The following RIT2 variants were observed in gnomAD, a reference collection of about 807,000 sequenced individuals.
The protein encoded by RIT2 is GTP-binding protein Rit2.
RIT2 carries 24 observed loss-of-function variants against 23.7 expected under a neutral mutation model. That is an observed-to-expected ratio of 1.01 (90% CI 0.73 to 1.43). The LOEUF is 1.43. Among genes scored for constraint, RIT2 ranks in the 40% most tolerant of loss-of-function variants. The probability of loss-of-function intolerance (pLI) is 0.00; values close to 1 mark genes in which losing one functional copy is unlikely to be tolerated. For missense variants in RIT2, 236 were observed against 266.9 expected (o/e 0.88, Z 0.81); for synonymous variants, 107 against 91.1 (o/e 1.17, Z -0.99).
At chr18:42,815,993 C>T (rs1464064643) in intron 4 of RIT2, among the ~76,000 whole-genome samples, 1 of 152,072 alleles carries the variant, frequency 6.6e-6, no homozygotes, top group Non-Finnish European at 1.5e-5. Flanking sequence ...TTTCAGAATC[C>T]AGTCTACACA....
At chr18:42,902,277 T>G (rs1413940809) in intron 4 of RIT2, among the ~76,000 whole-genome samples, 1 of 151,854 alleles carries the variant, frequency 6.6e-6, no homozygotes, top group Non-Finnish European at 1.5e-5. Flanking sequence ...GAACTACTGG[T>G]ATTTATGTTT....
chr18:42,898,366 C>T (rs886649874), intron 4 of RIT2, among the ~76,000 whole-genome samples: 2 of 152,104 alleles, frequency 1.3e-5, no homozygotes, highest in Non-Finnish European at 2.9e-5. Context: ...TGCACTCCAG[C>T]CTGGGCGACA....
chr18:42,841,188 G>A (rs1051336235), intron 4 of RIT2, among the ~76,000 whole-genome samples: 6 of 152,088 alleles, frequency 3.9e-5, no homozygotes, highest in Admixed American at 6.6e-5. Flanking sequence ...CTTAAAAAAC[G>A]CAAACAGGCA....
At position 42,890,584 on chromosome 18, in the gene RIT2, A is replaced by AAGG. The variant is rs1312095363; in HGVS notation, c.426+32985_426+32987dup. Among the ~76,000 whole-genome samples, 9 of 151,832 alleles carry AAGG rather than the reference A, an allele frequency of 5.9e-5. No homozygotes were observed. In the East Asian group the frequency reaches 1.7e-3, roughly 29 times the overall value. On this transcript the variant is annotated intron_variant, in intron 4 of 4. Coordinates refer to ENST00000326695, the MANE Select transcript of RIT2 (RefSeq NM_002930.4). ...AGGAGGGAAGAAGAGAGAGAGAGAG[A>AAGG]AGGAGAAGCAGGGAGGAAAGAAGGG... is the stretch of plus-strand genomic sequence containing the variant.
At chr18:43,008,713 G>T (rs1338079402) in intron 2 of RIT2, among the ~76,000 whole-genome samples, 2 of 151,472 alleles carry the variant, frequency 1.3e-5, no homozygotes, top group African/African-American at 4.8e-5. Flanking sequence ...ATCATGAGCT[G>T]TGAGAAACAT....
chr18:43,071,560 C>CATATGTGCCT, intron 1 of RIT2, among the ~76,000 whole-genome samples: 1 of 152,244 alleles, frequency 6.6e-6, no homozygotes, highest in South Asian at 2.1e-4. Context: ...TACCAGTACA[C>CATATGTGCCT]ATATGTGCCT....
intron 4 of RIT2, among the ~76,000 whole-genome samples, chr18:42,783,090 A>G (rs1913848545): frequency 6.6e-6 from 1 of 152,126 alleles, no homozygotes; most frequent in East Asian, 1.9e-4. Flanking sequence ...TTTTAAGTCC[A>G]ACTTATTTCA....
At chr18:42,913,301 C>T (rs1908820376) in intron 4 of RIT2, among the ~76,000 whole-genome samples, 1 of 150,310 alleles carries the variant, frequency 6.7e-6, no homozygotes, top group South Asian at 2.1e-4. Context: ...ATAAAAGAAA[C>T]TCATGGGTAC....
intron 2 of RIT2, among the ~76,000 whole-genome samples, chr18:42,991,093 A>G (rs1910836592): frequency 6.6e-6 from 1 of 152,126 alleles, no homozygotes. Flanking sequence ...CATATTTAGT[A>G]AAACGCAGGA....
chr18:43,023,610 T>G (rs577580717), intron 2 of RIT2, among the ~76,000 whole-genome samples: 28 of 152,226 alleles, frequency 1.8e-4, no homozygotes, highest in African/African-American at 6.0e-4. Context: ...CTATGTTAAA[T>G]TTTTCAAGGT....
rs1482537469 is a variant in RIT2, at chr18:42,743,297, A to G, written c.*196T>C. On this transcript the variant is annotated 3_prime_UTR_variant, in exon 5 of 5. Coordinates refer to ENST00000326695, the MANE Select transcript of RIT2 (RefSeq NM_002930.4). The stretch of plus-strand genomic sequence containing the variant: ...ACTAAACAGCATATCCAGCTGATTG[A>G]CAAAATCCATCCAACTGTTAAAGGC... 8.5e-6 allele frequency: 5 copies of G among 590,062 alleles called. No individual in the cohort carries two copies. Among genetic ancestry groups the G allele is most frequent in the African/African-American group, 1.9e-5 (1 of 53,584 alleles). The allele number at this position is 590,062 out of a possible 1,614,324, so 36.6% of individuals were successfully genotyped here. A position where few individuals can be genotyped will look rare whatever the true frequency, so the allele number is the denominator to read the frequency against.
intron 3 of RIT2, among the ~76,000 whole-genome samples, chr18:42,930,188 G>A (rs1162319239): frequency 6.6e-6 from 1 of 152,096 alleles, no homozygotes; most frequent in African/African-American, 2.4e-5. Flanking sequence ...ATTTTTGTCA[G>A]GAGGAAAGTC....
intron 4 of RIT2, among the ~76,000 whole-genome samples, chr18:42,782,955 T>C (rs1004971794): frequency 2.6e-5 from 4 of 151,962 alleles, no homozygotes; most frequent in Admixed American, 6.6e-5. Context: ...CAGAGGAAGG[T>C]GAGAAACAGG....
At chr18:43,114,938 T>G (rs1166396694) in intron 1 of RIT2, among the ~76,000 whole-genome samples, 3 of 152,128 alleles carry the variant, frequency 2.0e-5, no homozygotes, top group Admixed American at 1.3e-4. Flanking sequence ...CATGTCAGAC[T>G]ACAGATGAGG....
intron 4 of RIT2, among the ~76,000 whole-genome samples, chr18:42,880,980 T>A (rs750414334): frequency 3.3e-5 from 5 of 152,018 alleles, no homozygotes; most frequent in Non-Finnish European, 7.4e-5. Flanking sequence ...GCTAACTTTG[T>A]ATTTTAGTAG....
chr18:43,093,184 C>T (rs1262772745), intron 1 of RIT2, among the ~76,000 whole-genome samples: 3 of 151,884 alleles, frequency 2.0e-5, no homozygotes, highest in Non-Finnish European at 4.4e-5. Flanking sequence ...TAATTCAGTG[C>T]TTTCGCTTTT....
chr18:43,025,395 C>T (rs1346028302), intron 2 of RIT2, among the ~76,000 whole-genome samples: 10 of 151,948 alleles, frequency 6.6e-5, no homozygotes, highest in East Asian at 5.8e-4. Context: ...AACTAAAAAT[C>T]GAACTACCAT....
intron 4 of RIT2, among the ~76,000 whole-genome samples, chr18:42,792,305 T>C (rs1914061655): frequency 6.6e-6 from 1 of 152,206 alleles, no homozygotes; most frequent in Non-Finnish European, 1.5e-5. Context: ...GAGTGCATGG[T>C]ACTCATGACT....
intron 4 of RIT2, among the ~76,000 whole-genome samples, chr18:42,753,260 G>C (rs1011318137): frequency 6.6e-6 from 1 of 152,060 alleles, no homozygotes; most frequent in Non-Finnish European, 1.5e-5. Context: ...TCTTTTACCC[G>C]AGCTTGGTAA....
Sources: gnomAD v4.1 joint callset for allele counts (sites outside exome capture counted in the v4.1 genomes callset) on GRCh38, gnomAD v4.1.1 for gene constraint, MANE v1.5 for transcripts, NCBI Gene and HGNC (gene_info 2026-07-23, HGNC 2026-07-21) for gene names.